The following COL24A1 variants were observed in gnomAD, a reference collection of about 807,000 sequenced individuals.
The protein encoded by COL24A1 is collagen alpha-1(XXIV) chain.
In COL24A1, 224 loss-of-function variants were observed where a neutral mutation model predicts 253.9. That is an observed-to-expected ratio of 0.88 (90% CI 0.79 to 0.99). COL24A1 has a LOEUF of 0.99. COL24A1 is among the 50% of genes least tolerant of loss of function. COL24A1 has a pLI of 0.00. For synonymous variants in COL24A1, 685 were observed against 673.7 expected (o/e 1.02, Z -0.26); for missense variants, 2,131 against 2,068.5 (o/e 1.03, Z -0.59).
intron 19 of COL24A1, among the ~76,000 whole-genome samples, chr1:86,013,557 C>T (rs1250236935): frequency 6.6e-6 from 1 of 152,160 alleles, no homozygotes; most frequent in Non-Finnish European, 1.5e-5. Context: ...AAAACTGGGC[C>T]AGACATGGTG....
chr1:85,969,817 C>A (rs1252653798), intron 22 of COL24A1, among the ~76,000 whole-genome samples: 1 of 151,816 alleles, frequency 6.6e-6, no homozygotes, highest in Non-Finnish European at 1.5e-5. Flanking sequence ...AAATAATTAA[C>A]ATATTACCCA....
intron 4 of COL24A1, among the ~76,000 whole-genome samples, chr1:86,115,043 A>G (rs1472447501): frequency 6.6e-6 from 1 of 152,188 alleles, no homozygotes; most frequent in Non-Finnish European, 1.5e-5. Flanking sequence ...TCACTTTATA[A>G]GTAAGAATAA....
chr1:85,959,621 T>C (rs1690816246), intron 24 of COL24A1, among the ~76,000 whole-genome samples: 1 of 152,112 alleles, frequency 6.6e-6, no homozygotes, highest in African/African-American at 2.4e-5. Context: ...AATACCGTAA[T>C]ATGAAATGTC....
At chr1:86,087,133 A>G (rs1201870996) in intron 7 of COL24A1, among the ~76,000 whole-genome samples, 4 of 152,172 alleles carry the variant, frequency 2.6e-5, no homozygotes, top group Non-Finnish European at 5.9e-5. Flanking sequence ...TATCAGGTCT[A>G]TTTCTATCAG....
chr1:85,795,843 T>C (rs1168111119), intron 47 of COL24A1, among the ~76,000 whole-genome samples: 3 of 152,142 alleles, frequency 2.0e-5, no homozygotes, highest in African/African-American at 4.8e-5. Context: ...AGAAGTTATA[T>C]AAATAATACT....
chr1:85,771,322 A>T (rs113465352), intron 53 of COL24A1, among the ~76,000 whole-genome samples: 4,893 of 151,366 alleles, frequency 0.032, 272 homozygotes, highest in African/African-American at 0.11. Flanking sequence ...TCATTTTTCA[A>T]CTCCCAATTA....
chr1:86,031,942 C>T lies in COL24A1; in HGVS notation c.2005-20G>A. The T allele has an allele frequency of 1.2e-6, 2 of 1,602,498 alleles. No individual in the cohort carries two copies. Among genetic ancestry groups the T allele is most frequent in the East Asian group, 4.5e-5 (2 of 44,548 alleles). Reference sequence around the variant, plus strand: ...AAGTCCCTATTGTAAAAGAAATTTGCAATACTTATTAAATTTGATTCCCAA... The same window carrying T: ...AAGTCCCTATTGTAAAAGAAATTTGTAATACTTATTAAATTTGATTCCCAA... On this transcript the variant is annotated intron_variant, in intron 13 of 59. Transcript: ENST00000370571.
At chr1:85,853,486 C>A (rs11161690) in intron 37 of COL24A1, among the ~76,000 whole-genome samples, 63 of 152,124 alleles carry the variant, frequency 4.1e-4, no homozygotes, top group African/African-American at 1.5e-3. Context: ...GGGTATATAC[C>A]CAGTAATGGG....
chr1:85,870,365 A>C (rs1372392855), intron 35 of COL24A1, among the ~76,000 whole-genome samples: 1 of 152,158 alleles, frequency 6.6e-6, no homozygotes, highest in Admixed American at 6.5e-5. Flanking sequence ...CATCTACAGA[A>C]CTTTCCACCC....
At chr1:85,834,709 A>G (rs918816268) in intron 43 of COL24A1, among the ~76,000 whole-genome samples, 7 of 152,148 alleles carry the variant, frequency 4.6e-5, no homozygotes, top group African/African-American at 7.2e-5. Context: ...AATCTTGGCT[A>G]TTTATGTTTC....
chr1:86,014,140 T>C (rs575569079), intron 19 of COL24A1, among the ~76,000 whole-genome samples: 2 of 152,346 alleles, frequency 1.3e-5, no homozygotes, highest in Admixed American at 6.5e-5. Context: ...AATTTGTATA[T>C]AAGTTGTCCT....
chr1:85,942,498 T>C (rs1015311906), intron 24 of COL24A1, among the ~76,000 whole-genome samples: 2 of 152,212 alleles, frequency 1.3e-5, no homozygotes, highest in Non-Finnish European at 2.9e-5. Flanking sequence ...TTCTTGAATT[T>C]TGGCTTTGCT....
chr1:86,118,142 A>C (rs1706332059), intron 3 of COL24A1, among the ~76,000 whole-genome samples: 1 of 149,470 alleles, frequency 6.7e-6, no homozygotes, highest in South Asian at 2.1e-4. Flanking sequence ...GGCTCACTGC[A>C]ACCTCCCCTT....
chr1:86,111,480 G>A (rs1184431675), intron 5 of COL24A1, among the ~76,000 whole-genome samples: 1 of 152,078 alleles, frequency 6.6e-6, no homozygotes, highest in Non-Finnish European at 1.5e-5. Flanking sequence ...AGCACTCTGT[G>A]TCTAGCTCAA....
chr1:86,048,410 C>G (rs2101660652), intron 11 of COL24A1, among the ~76,000 whole-genome samples: 1 of 152,190 alleles, frequency 6.6e-6, no homozygotes, highest in Non-Finnish European at 1.5e-5. Flanking sequence ...TTTGACATAG[C>G]CAAATAATAT....
chr1:85,987,479 T>C lies in COL24A1; in HGVS notation c.2364+122A>G, dbSNP rs777243921. 1.4e-5 allele frequency: 12 copies of C among 876,374 alleles called. No homozygotes were observed. In the Admixed American group the frequency reaches 2.1e-4, roughly 15 times the overall value. 54.3% of individuals were successfully genotyped at this position (876,374 alleles called of 1,614,324 possible). A position where few individuals can be genotyped will look rare whatever the true frequency, so the allele number is the denominator to read the frequency against. On this transcript the variant is annotated intron_variant, in intron 20 of 59. Coordinates refer to ENST00000370571, the MANE Select transcript of COL24A1 (RefSeq NM_152890.7). ...AAACCTAAAGTTTATTAAATGTACC[T>C]GAGACAGCTTAAAAATATCCAGAAA...
chr1:86,142,543 A>AAC lies in COL24A1; in HGVS notation c.121+3575_121+3576insGT, dbSNP rs1553149898. Among the ~76,000 whole-genome samples, 65 of 151,390 alleles carry AAC rather than the reference A, an allele frequency of 4.3e-4. 1 individual carries two copies. Among genetic ancestry groups the AAC allele is most frequent in the Non-Finnish European group, 8.3e-4 (56 of 67,752 alleles). ...GCCTCAAAAAAAAAAACAAAAAACA[A>AAC]AAAACAAAAAAAACAATTTAAACAC... On this transcript the variant is annotated intron_variant, in intron 2 of 59. Transcript: ENST00000370571.
intron 7 of COL24A1, among the ~76,000 whole-genome samples, chr1:86,085,730 A>G (rs1442699911): frequency 1.3e-5 from 2 of 152,240 alleles, no homozygotes; most frequent in African/African-American, 4.8e-5. Context: ...AGAACTAAAA[A>G]TATACTTCAG....
chr1:85,756,057 C>CAAAAAAAA (rs200030128), intron 55 of COL24A1, among the ~76,000 whole-genome samples: 3 of 95,830 alleles, frequency 3.1e-5, no homozygotes, highest in East Asian at 3.3e-4. Flanking sequence ...TACTAACAAC[C>CAAAAAAAA]AAAAAAAAAA....
Sources: gnomAD v4.1 joint callset for allele counts (sites outside exome capture counted in the v4.1 genomes callset) on GRCh38, gnomAD v4.1.1 for gene constraint, MANE v1.5 for transcripts, NCBI Gene and HGNC (gene_info 2026-07-23, HGNC 2026-07-21) for gene names.